The following EIF4E1B variants were observed in gnomAD, a reference collection of about 807,000 sequenced individuals.
EIF4E1B encodes the protein eukaryotic translation initiation factor 4E family member 1B.
EIF4E1B carries 22 observed loss-of-function variants against 31.3 expected under a neutral mutation model. That is an observed-to-expected ratio of 0.70 (90% confidence interval 0.50 to 1.00). The LOEUF (loss-of-function observed/expected upper bound fraction) is 1.00. EIF4E1B is among the 50% of genes least tolerant of loss of function. The pLI, the probability that EIF4E1B is intolerant of heterozygous loss-of-function variation, is 0.00. For missense variants in EIF4E1B, 290 were observed against 311.6 expected, an observed-to-expected ratio of 0.93 and a Z score of 0.52; for synonymous variants, 126 against 120.2, an observed-to-expected ratio of 1.05 and a Z score of -0.31.
At chr5:176,644,289 G>A (rs535773603) in intron 5 of EIF4E1B, 87 bp from the exon 6 acceptor site, 53 of 1,376,620 alleles carry the variant, frequency 3.9e-5, no homozygotes, top group Non-Finnish European at 4.9e-5. Flanking sequence ...CCATGGGGTC[G>A]GATGAGGAGT....
chr5:176,633,879 G>A (rs960103804), intron 1 of EIF4E1B, among the ~76,000 whole-genome samples: 1 of 152,210 alleles, frequency 6.6e-6, no homozygotes, highest in Admixed American at 6.5e-5. Context: ...ACGGAGATGG[G>A]TTGGAGGAGG....
rs765697251 is a variant in EIF4E1B at position 176,645,280 on chromosome 5, G to A, written c.474+37G>A. ...GAGGAGGGTCCTCAGGGGAAGAGAC[G>A]GGCTGTGTGGGTCTCATGGTGGCAG... On this transcript the variant is annotated intron_variant, in intron 7 of 8. Transcript: ENST00000318682. This position sits in a 1 kb window ranked among gnomAD's most constrained non-coding sequence, Gnocchi z 5.4. The A allele has an allele frequency of 1.4e-5, 22 of 1,599,348 alleles. No individual in the cohort carries two copies. Among genetic ancestry groups the A allele is most frequent in the Admixed American group, 6.8e-5 (4 of 59,078 alleles).
chr5:176,645,382 G>A lies in EIF4E1B; in HGVS notation c.480G>A (p.Leu160=), dbSNP rs776567142. The A allele has an allele frequency of 1.3e-6, 2 of 1,532,676 alleles. No homozygotes were observed. The highest frequency in any genetic ancestry group is 4.6e-5 in the East Asian group (2 of 43,920). The allele number at this position is 1,532,676 out of a possible 1,614,324, so 94.9% of individuals were successfully genotyped here. The change falls in exon 8 of 9, where the codon CTG becomes CTA. Residue 160 remains leucine (L), a synonymous_variant. Coordinates refer to ENST00000318682, the MANE Select transcript of EIF4E1B (RefSeq NM_001099408.2). This position sits in a 1 kb window ranked among gnomAD's most constrained non-coding sequence, Gnocchi z 5.4. ...ELDRLWLETL[L]CLIGESFEEH... is the part of the protein sequence containing the mutation. ...ACCCCCTACTTCGGGTCCAGCTGCT[G>A]TGTCTGATCGGGGAGAGCTTTGAGG...
At position 176,638,054 on chromosome 5, in the gene EIF4E1B, G is replaced by T. The variant is rs184310861; in HGVS notation, c.-201-3989G>T. Among the ~76,000 whole-genome samples the T allele has an allele frequency of 4.0e-3, 614 of 152,294 alleles. 8 individuals are homozygous for T. The highest frequency in any genetic ancestry group is 0.014 in the African/African-American group (577 of 41,560). ...CAGGACCATTCCAGCGTTTTCGGCT[G>T]AGCAGTTGGAAGGGTGGAGAAGACG... On this transcript the variant is annotated intron_variant, in intron 1 of 8. Transcript: ENST00000318682. The surrounding 1 kb of genome is among the most constrained non-coding windows in gnomAD (Gnocchi z 4.3).
chr5:176,643,033 A>T, intron 3 of EIF4E1B, 49 bp from the exon 4 acceptor site: 1 of 1,558,736 alleles, frequency 6.4e-7, no homozygotes, highest in Non-Finnish European at 8.7e-7. Context: ...GCACAGGGAC[A>T]GCCAGGGCCA....
intron 6 of EIF4E1B, 134 bp downstream of exon 6, chr5:176,644,573 G>A: frequency 9.6e-7 from 1 of 1,037,764 alleles, no homozygotes; most frequent in South Asian, 1.7e-5. Context: ...TGTGGTTTCT[G>A]ACTGGAGGAA....
At chr5:176,642,849 T>TCACCCCCC in intron 3 of EIF4E1B, 47 bp downstream of exon 3, 1 of 1,181,920 alleles carries the variant, frequency 8.5e-7, no homozygotes. Flanking sequence ...GGCCCCGCCC[T>TCACCCCCC]CTCCCCCCCC....
chr5:176,643,631 C>G lies in EIF4E1B; in HGVS notation c.201-8C>G. Reference sequence around the variant, plus strand: ...TTCCTCCTGGCTGCCTCCCCCTTCCCCTACCAGGTGGGCTCTGTGGTTCTT... The same window carrying G: ...TTCCTCCTGGCTGCCTCCCCCTTCCGCTACCAGGTGGGCTCTGTGGTTCTT... On this transcript the variant is annotated splice_polypyrimidine_tract_variant and splice_region_variant and intron_variant, in intron 4 of 8. Coordinates refer to ENST00000318682, the MANE Select transcript of EIF4E1B (RefSeq NM_001099408.2). The G allele has an allele frequency of 6.2e-7, 1 of 1,600,124 alleles. No homozygotes were observed. The highest frequency in any genetic ancestry group is 8.5e-7 in the Non-Finnish European group (1 of 1,173,344).
At position 176,644,445 on chromosome 5, in the gene EIF4E1B, C is replaced by T. The variant is rs1760654839; in HGVS notation, c.360+6C>T. ...GTGACTACGCCCTCTTCAAGGTAAG[C>T]TCTGCTCTCCTCTTTCCCTCCCGCA... On this transcript the variant is annotated splice_donor_region_variant and intron_variant, in intron 6 of 8. Transcript: ENST00000318682. 1.3e-6 allele frequency: 2 copies of T among 1,592,208 alleles called. No homozygotes were observed. Among genetic ancestry groups the T allele is most frequent in the Admixed American group, 1.7e-5 (1 of 57,166 alleles).
chr5:176,641,141 A>ATGGGC (rs1760568609), intron 1 of EIF4E1B, among the ~76,000 whole-genome samples: 1 of 152,092 alleles, frequency 6.6e-6, no homozygotes, highest in East Asian at 1.9e-4. Context: ...CAACATGGCA[A>ATGGGC]AACCCTACCT....
At chr5:176,644,286 G>A in intron 5 of EIF4E1B, 90 bp from the exon 6 acceptor site, 1 of 1,352,946 alleles carries the variant, frequency 7.4e-7, no homozygotes, top group South Asian at 1.4e-5. Context: ...AGGCCATGGG[G>A]TCGGATGAGG....
At chr5:176,636,003 G>A (rs1045790657) in intron 1 of EIF4E1B, among the ~76,000 whole-genome samples, 51 of 152,272 alleles carry the variant, frequency 3.3e-4, no homozygotes, top group African/African-American at 1.1e-3. Context: ...TTTTAGTAGA[G>A]ACGGGGTTTC....
intron 1 of EIF4E1B, among the ~76,000 whole-genome samples, chr5:176,632,014 C>T (rs1376777099): frequency 6.6e-6 from 1 of 152,126 alleles, no homozygotes; most frequent in South Asian, 2.1e-4. Flanking sequence ...TGTGTGCTGA[C>T]ATGGGAGTGT....
intron 1 of EIF4E1B, among the ~76,000 whole-genome samples, chr5:176,632,996 G>GT (rs1447388861): frequency 3.3e-5 from 5 of 152,300 alleles, no homozygotes; most frequent in South Asian, 2.1e-4. Context: ...AAAAGTGGTG[G>GT]TGGCAGCTCC....
chr5:176,636,455 G>T (rs1760494376), intron 1 of EIF4E1B, among the ~76,000 whole-genome samples: 1 of 152,250 alleles, frequency 6.6e-6, no homozygotes, highest in Non-Finnish European at 1.5e-5. Context: ...ATGGCAAAAG[G>T]TGGGAAAGGG....
chr5:176,642,514 G>A (rs1760596099), intron 2 of EIF4E1B, among the ~76,000 whole-genome samples, 196 bp from the exon 3 acceptor site: 1 of 152,154 alleles, frequency 6.6e-6, no homozygotes, highest in South Asian at 2.1e-4. Context: ...AAAAAACTCA[G>A]GTGCTTCCAG....
At chr5:176,636,561 G>C (rs905132276) in intron 1 of EIF4E1B, among the ~76,000 whole-genome samples, 8 of 152,250 alleles carry the variant, frequency 5.3e-5, no homozygotes, top group African/African-American at 1.9e-4. Context: ...CAAAAATCCA[G>C]ATGTGCCTTT....
At chr5:176,639,367 C>A (rs1751632255) in intron 1 of EIF4E1B, among the ~76,000 whole-genome samples, 1 of 152,146 alleles carries the variant, frequency 6.6e-6, no homozygotes, top group African/African-American at 2.4e-5. Context: ...AAGATGTCCC[C>A]CATAGACAGA....
intron 3 of EIF4E1B, 72 bp downstream of exon 3, chr5:176,642,874 T>C (rs1331472093): frequency 2.6e-6 from 1 of 386,984 alleles, no homozygotes; most frequent in South Asian, 3.7e-5. Flanking sequence ...CCGCCCCAGG[T>C]GGGCGGGGCA....
Sources: allele counts gnomAD v4.1 joint callset (sites outside exome capture counted in the v4.1 genomes callset), GRCh38; gene constraint gnomAD v4.1.1; non-coding constraint Gnocchi (gnomAD v3.1); transcripts MANE v1.5; gene names NCBI Gene and HGNC (gene_info 2026-07-23, HGNC 2026-07-21).